The following SOX6 variants were observed in gnomAD, a reference collection of about 807,000 sequenced individuals.
SOX6 encodes transcription factor SOX-6.
A neutral mutation model predicts 97.8 loss-of-function variants in SOX6; 11 were observed. That is an observed-to-expected ratio of 0.11 (90% CI 0.07 to 0.19). The LOEUF (loss-of-function observed/expected upper bound fraction) is 0.19. SOX6 is among the 10% of genes least tolerant of loss of function. The probability of loss-of-function intolerance (pLI) is 1.00; values close to 1 mark genes in which losing one functional copy is unlikely to be tolerated. For missense variants in SOX6, 810 were observed against 1,039.5 expected, an observed-to-expected ratio of 0.78 and a Z score of 3.04; for synonymous variants, 360 against 371.4, an observed-to-expected ratio of 0.97 and a Z score of 0.35.
At chr11:16,310,559 G>C (rs1417539287) in intron 3 of SOX6, among the ~76,000 whole-genome samples, 1 of 152,014 alleles carries the variant, frequency 6.6e-6, no homozygotes, top group Non-Finnish European at 1.5e-5. Flanking sequence ...ATTTTAAAGA[G>C]AAGAAAAAAT....
At chr11:16,274,539 T>C (rs963235289) in intron 3 of SOX6, among the ~76,000 whole-genome samples, 6 of 152,186 alleles carry the variant, frequency 3.9e-5, no homozygotes, top group African/African-American at 1.4e-4. Context: ...AAACAACAAT[T>C]ATTTTTCTTT....
intron 3 of SOX6, among the ~76,000 whole-genome samples, chr11:16,648,582 TACA>T (rs376304004): frequency 1.1e-4 from 17 of 152,296 alleles, no homozygotes; most frequent in African/African-American, 2.2e-4. Flanking sequence ...CTCAGGCCAT[TACA>T]ACAACTCATT....
chr11:16,218,794 G>A (rs528765856), intron 4 of SOX6, among the ~76,000 whole-genome samples: 5 of 152,116 alleles, frequency 3.3e-5, no homozygotes, highest in East Asian at 3.9e-4. Context: ...GATGTCGACC[G>A]AACAAAATGG....
At chr11:16,402,385 C>A (rs1033430135) in intron 1 of SOX6, among the ~76,000 whole-genome samples, 1 of 151,512 alleles carries the variant, frequency 6.6e-6, no homozygotes, top group African/African-American at 2.4e-5. Flanking sequence ...TGAAGGAAAA[C>A]CTTTTAAGAA....
chr11:16,424,363 C>G (rs1358125288), intron 1 of SOX6, among the ~76,000 whole-genome samples: 1 of 152,320 alleles, frequency 6.6e-6, no homozygotes, highest in East Asian at 1.9e-4. Context: ...AACTGACTCT[C>G]TACAAACTTG....
intron 6 of SOX6, among the ~76,000 whole-genome samples, chr11:16,164,746 C>T (rs758238515): frequency 9.9e-5 from 15 of 151,308 alleles, no homozygotes; most frequent in South Asian, 4.2e-4. Flanking sequence ...TCACTTGAAC[C>T]TGGGAGGCGA....
In SOX6 at chr11:16,128,811, C is replaced by T. The variant is rs1352629835; in HGVS notation, c.778-16888G>A. On this transcript the variant is annotated intron_variant, in intron 6 of 15. Transcript: ENST00000683767. ...AACCTGGTGACTAGATATGCGAATT[C>T]CAAGTTCAGGAATTTTCATTTTTAT... 2.0e-5 allele frequency among the ~76,000 whole-genome samples: 3 copies of T among 152,152 alleles called. No individual in the cohort carries two copies. In the East Asian group the frequency reaches 5.8e-4, roughly 29 times the overall value.
chr11:16,690,430 G>T (rs190201741), intron 3 of SOX6, among the ~76,000 whole-genome samples: 1 of 152,216 alleles, frequency 6.6e-6, no homozygotes, highest in African/African-American at 2.4e-5. Flanking sequence ...CCAAGATTTT[G>T]ACTCTTTATT....
intron 4 of SOX6, among the ~76,000 whole-genome samples, chr11:16,559,669 C>T (rs1847786900): frequency 6.6e-6 from 1 of 152,042 alleles, no homozygotes; most frequent in South Asian, 2.1e-4. Flanking sequence ...AATGGCAAAA[C>T]CCAAACACAA....
chr11:16,098,635 T>A (rs1274052277), intron 7 of SOX6, among the ~76,000 whole-genome samples: 2 of 151,876 alleles, frequency 1.3e-5, no homozygotes, highest in Non-Finnish European at 2.9e-5. Flanking sequence ...ATCAGTGATT[T>A]AATGGAGTAT....
At chr11:16,444,614 A>G (rs1223909890) in intron 1 of SOX6, among the ~76,000 whole-genome samples, 1 of 152,220 alleles carries the variant, frequency 6.6e-6, no homozygotes, top group Non-Finnish European at 1.5e-5. Context: ...AAAACAAGTT[A>G]GTCCCCTTCC....
chr11:16,571,509 C>T (rs1392897328), intron 4 of SOX6, among the ~76,000 whole-genome samples: 1 of 152,142 alleles, frequency 6.6e-6, no homozygotes, highest in South Asian at 2.1e-4. Flanking sequence ...CAGCATACTA[C>T]GACCTGGAAC....
intron 6 of SOX6, among the ~76,000 whole-genome samples, chr11:16,164,884 T>A (rs894857625): frequency 6.6e-6 from 1 of 151,762 alleles, no homozygotes; most frequent in Non-Finnish European, 1.5e-5. Context: ...ACAGTATGTC[T>A]CATATTTCCT....
intron 3 of SOX6, among the ~76,000 whole-genome samples, chr11:16,695,249 T>C (rs1057328326): frequency 1.3e-5 from 2 of 152,222 alleles, no homozygotes; most frequent in African/African-American, 2.4e-5. Flanking sequence ...CTGAGACAGA[T>C]TGCACAAAGG....
At chr11:16,137,941 G>T (rs910826744) in intron 6 of SOX6, among the ~76,000 whole-genome samples, 9 of 152,018 alleles carry the variant, frequency 5.9e-5, no homozygotes, top group Non-Finnish European at 1.2e-4. Flanking sequence ...GTTTCCTAAG[G>T]CCTTCCCCAG....
intron 15 of SOX6, 64 bp downstream of exon 15, chr11:15,986,140 T>G (rs1387339890): frequency 1.4e-6 from 2 of 1,409,394 alleles, no homozygotes; most frequent in African/African-American, 2.8e-5. Flanking sequence ...ATACTGCCAG[T>G]AGCCATCCTA....
At chr11:15,984,363 A>G (rs1853760230) in intron 15 of SOX6, among the ~76,000 whole-genome samples, 1 of 152,176 alleles carries the variant, frequency 6.6e-6, no homozygotes, top group Non-Finnish European at 1.5e-5. Flanking sequence ...AGCCTTCCAG[A>G]CTGGCGGAAC....
chr11:16,079,415 T>G (rs539383137), intron 9 of SOX6, among the ~76,000 whole-genome samples: 13 of 152,318 alleles, frequency 8.5e-5, no homozygotes, highest in African/African-American at 2.4e-4. Context: ...TAGTTGGAAA[T>G]GAACATGCTT....
intron 3 of SOX6, among the ~76,000 whole-genome samples, chr11:16,630,414 G>A (rs571591813): frequency 6.6e-6 from 1 of 152,060 alleles, no homozygotes; most frequent in African/African-American, 2.4e-5. Flanking sequence ...GATCTTCTTG[G>A]TATTCACATC....
Sources: gnomAD v4.1 joint callset for allele counts (sites outside exome capture counted in the v4.1 genomes callset) on GRCh38, gnomAD v4.1.1 for gene constraint, MANE v1.5 for transcripts, NCBI Gene and HGNC (gene_info 2026-07-23, HGNC 2026-07-21) for gene names.